The following TGFBI variants were observed in gnomAD, a reference collection of about 807,000 sequenced individuals.
TGFBI encodes the protein transforming growth factor-beta-induced protein ig-h3.
A neutral mutation model predicts 73.7 loss-of-function variants in TGFBI; 50 were observed. The observed-to-expected ratio is 0.68, with a 90% CI of 0.54 to 0.86. The LOEUF (loss-of-function observed/expected upper bound fraction) is 0.86. Ranked by LOEUF, TGFBI falls within the 40% of genes least tolerant of loss-of-function variation. The probability of loss-of-function intolerance (pLI) is 0.00; values close to 1 mark genes in which losing one functional copy is unlikely to be tolerated. For synonymous variants in TGFBI, 362 were observed against 360.5 expected (o/e 1.00, Z -0.05); for missense variants, 839 against 877.0 (o/e 0.96, Z 0.55).
At position 136,056,593 on chromosome 5, in the gene TGFBI, C is replaced by T. The variant is rs960889420; in HGVS notation, c.1548-72C>T. 1.3e-5 allele frequency: 21 copies of T among 1,601,822 alleles called. No individual in the cohort carries two copies. The Admixed American group carries it at 3.0e-4, about 23-fold the overall frequency. On this transcript the variant is annotated intron_variant, in intron 11 of 16. Coordinates refer to ENST00000442011, the MANE Select transcript of TGFBI (RefSeq NM_000358.3). Reference sequence around the variant, plus strand: ...AGTGGTGAGGTATTTAAGGAAAATACCTCTCAGCGTGGTGAGGTATTTAAG... The same window carrying T: ...AGTGGTGAGGTATTTAAGGAAAATATCTCTCAGCGTGGTGAGGTATTTAAG...
intron 12 of TGFBI, 44 bp from the exon 13 acceptor site, chr5:136,059,046 C>T: frequency 6.3e-7 from 1 of 1,594,454 alleles, no homozygotes; most frequent in Non-Finnish European, 8.6e-7. Flanking sequence ...AGGCTAATTA[C>T]CATTCTTGGG....
At chr5:136,038,876 G>A (rs1447599725) in intron 2 of TGFBI, among the ~76,000 whole-genome samples, 1 of 152,188 alleles carries the variant, frequency 6.6e-6, no homozygotes, top group Non-Finnish European at 1.5e-5. Flanking sequence ...TACAGCCTCT[G>A]TGAGGAATGC....
chr5:136,054,518 A>G (rs1050731565), intron 9 of TGFBI, among the ~76,000 whole-genome samples, 198 bp from the exon 10 acceptor site: 10 of 152,034 alleles, frequency 6.6e-5, no homozygotes, highest in African/African-American at 2.4e-4. Flanking sequence ...AACTCCAAAC[A>G]CCCTTGATTA....
At chr5:136,062,742 A>T in intron 16 of TGFBI, 55 bp downstream of exon 16, 7 of 1,536,068 alleles carry the variant, frequency 4.6e-6, no homozygotes, top group Non-Finnish European at 6.2e-6. Context: ...CTTACCCCCA[A>T]GCAAGCCCAA....
chr5:136,033,935 C>T, intron 2 of TGFBI, 74 bp downstream of exon 2: 1 of 1,277,098 alleles, frequency 7.8e-7, no homozygotes, highest in Non-Finnish European at 1.1e-6. Context: ...CTGGGCCAGC[C>T]TTCTAGAAGG....
intron 8 of TGFBI, 126 bp downstream of exon 8, chr5:136,053,245 T>C: frequency 1.2e-6 from 1 of 856,178 alleles, no homozygotes; most frequent in Non-Finnish European, 1.8e-6. Context: ...AGCTCACAGC[T>C]TCTCGGCCAC....
chr5:136,053,148 C>G (rs1490091499), intron 8 of TGFBI, 29 bp downstream of exon 8: 15 of 1,596,132 alleles, frequency 9.4e-6, no homozygotes, highest in Non-Finnish European at 1.3e-5. Context: ...GGCCTTGGCC[C>G]TGCCTGGCCC....
intron 2 of TGFBI, among the ~76,000 whole-genome samples, chr5:136,042,895 C>G (rs1351353418): frequency 2.6e-5 from 4 of 152,160 alleles, no homozygotes; most frequent in Non-Finnish European, 5.9e-5. Context: ...TTCCTGGGCA[C>G]ACTGAGAGCA....
chr5:136,049,269 GC>G (rs1316817249), intron 6 of TGFBI, 169 bp from the exon 7 acceptor site: 44 of 819,742 alleles, frequency 5.4e-5, no homozygotes, highest in Non-Finnish European at 1.3e-5. Context: ...GCCCAGCAAG[GC>G]CCCCTGGGGG....
Position 136,046,394 on chromosome 5 carries a change from C to T in TGFBI, c.358C>T (p.Leu120=). 2 of 1,613,980 alleles carry T rather than the reference C, an allele frequency of 1.2e-6. No homozygotes were observed. Among genetic ancestry groups the T allele is most frequent in the Non-Finnish European group, 1.7e-6 (2 of 1,179,878 alleles). The change falls in exon 4 of 17, where the codon CTG becomes TTG. Residue 120 remains leucine (L), a synonymous_variant. Coordinates refer to ENST00000442011, the MANE Select transcript of TGFBI (RefSeq NM_000358.3). ...LGVVGSTTTQ[L]YTDRTEKLRP... The stretch of plus-strand genomic sequence containing the variant: ...AGTCGTTGGATCCACCACCACTCAG[C>T]TGTACACGGACCGCACGGAGAAGCT...
Position 136,063,573 on chromosome 5 carries a change from A to G in TGFBI, c.*347A>G, listed in dbSNP as rs952671943. The stretch of plus-strand genomic sequence containing the variant: ...GTATTGTGGGGCTCATAAAACATGA[A>G]TCAAGCAATCCAGCCTCATGGGAAG... On this transcript the variant is annotated 3_prime_UTR_variant, in exon 17 of 17. Transcript: ENST00000442011. 15 of 261,602 alleles carry G rather than the reference A, an allele frequency of 5.7e-5. No homozygotes were observed. The highest frequency in any genetic ancestry group is 1.1e-4 in the Non-Finnish European group (15 of 136,412). The allele number at this position is 261,602 out of a possible 1,614,324, so 16.2% of individuals were successfully genotyped here.
At chr5:136,056,560 C>T in intron 11 of TGFBI, 105 bp from the exon 12 acceptor site, 1 of 1,492,136 alleles carries the variant, frequency 6.7e-7, no homozygotes, top group Non-Finnish European at 9.2e-7. Context: ...CTGGACTCTA[C>T]TATCCTCAGT....
At chr5:136,044,017 T>C (rs1171299452) in intron 2 of TGFBI, 41 bp from the exon 3 acceptor site, 7 of 1,575,446 alleles carry the variant, frequency 4.4e-6, no homozygotes, top group African/African-American at 2.7e-5. Flanking sequence ...TGAGGAACAG[T>C]GAAGCCCTGC....
intron 1 of TGFBI, among the ~76,000 whole-genome samples, chr5:136,030,631 A>T (rs1751102304): frequency 6.6e-6 from 1 of 152,166 alleles, no homozygotes; most frequent in South Asian, 2.1e-4. Flanking sequence ...GGATGTCAGA[A>T]AGATGAGAGG....
intron 7 of TGFBI, among the ~76,000 whole-genome samples, chr5:136,050,962 A>G (rs1226821428): frequency 6.6e-6 from 1 of 152,242 alleles, no homozygotes; most frequent in Non-Finnish European, 1.5e-5. Context: ...GGCAGGCTTT[A>G]AAACAGGTTG....
chr5:136,032,642 GC>G (rs1751141995), intron 1 of TGFBI, among the ~76,000 whole-genome samples: 1 of 152,142 alleles, frequency 6.6e-6, no homozygotes, highest in Non-Finnish European at 1.5e-5. Flanking sequence ...TCTTGTGAAA[GC>G]CCTCAGTATT....
intron 9 of TGFBI, 90 bp downstream of exon 9, chr5:136,054,170 C>T: frequency 1.3e-6 from 2 of 1,502,268 alleles, no homozygotes; most frequent in South Asian, 1.3e-5. Context: ...ATTTACAGCA[C>T]CCCATGGGAC....
Position 136,044,082 on chromosome 5 carries a change from T to G in TGFBI, c.258T>G (p.Pro86=). The G allele has an allele frequency of 6.2e-7, 1 of 1,613,198 alleles. No individual in the cohort carries two copies. Among genetic ancestry groups the G allele is most frequent in the Non-Finnish European group, 8.5e-7 (1 of 1,179,458 alleles). Residue 86 remains proline, a synonymous_variant, in exon 3 of 17, where the codon CCT becomes CCG. Coordinates refer to ENST00000442011, the MANE Select transcript of TGFBI (RefSeq NM_000358.3). ...KSTVISYECC[P]GYEKVPGEKG... ...GAGTCATCAGCTACGAGTGCTGTCCTGGATATGAAAAGGTCCCTGGGGAGA... is the reference window on the plus strand; with the variant it reads ...GAGTCATCAGCTACGAGTGCTGTCCGGGATATGAAAAGGTCCCTGGGGAGA...
chr5:136,038,518 C>T (rs557165793), intron 2 of TGFBI, among the ~76,000 whole-genome samples: 6 of 151,958 alleles, frequency 3.9e-5, no homozygotes, highest in African/African-American at 1.4e-4. Flanking sequence ...AGTTGGAGAC[C>T]AGCCTGACCA....
Sources: allele counts gnomAD v4.1 joint callset (sites outside exome capture counted in the v4.1 genomes callset), GRCh38; gene constraint gnomAD v4.1.1; transcripts MANE v1.5; gene names NCBI Gene and HGNC (gene_info 2026-07-23, HGNC 2026-07-21).